The following RB1CC1 variants were observed in gnomAD, a reference collection of about 807,000 sequenced individuals.
RB1CC1 encodes the protein RB1 inducible coiled-coil 1, also known as RB1-inducible coiled-coil protein 1.
Under a neutral mutation model 177.5 loss-of-function variants are expected in RB1CC1, and 46 were observed. The ratio of observed to expected loss-of-function variants is 0.26; its 90% CI spans 0.20 to 0.33. The LOEUF (loss-of-function observed/expected upper bound fraction) is 0.33, where lower values mean the gene tolerates loss of function less well. Among genes scored for constraint, RB1CC1 ranks in the 10% least tolerant of loss-of-function variants. The pLI, the probability that RB1CC1 is intolerant of heterozygous loss-of-function variation, is 1.00. For missense variants in RB1CC1, 1,703 were observed against 1,816.3 expected, an observed-to-expected ratio of 0.94 and a Z score of 1.13; for synonymous variants, 666 against 613.6, an observed-to-expected ratio of 1.09 and a Z score of -1.26.
chr8:52,667,981 C>T (rs541547672), intron 8 of RB1CC1, 40 bp downstream of exon 8: 2 of 1,573,432 alleles, frequency 1.3e-6, no homozygotes, highest in Non-Finnish European at 1.7e-6. Flanking sequence ...TACAAAAAAA[C>T]TATAAATTCC....
At position 52,714,145 on chromosome 8, in the gene RB1CC1, G is replaced by A. The variant is rs1335397529; in HGVS notation, c.-237C>T. The A allele has an allele frequency of 3.4e-6, 1 of 293,710 alleles. No homozygotes were observed. Among genetic ancestry groups the A allele is most frequent in the South Asian group, 2.4e-5 (1 of 41,330 alleles). The allele number at this position is 293,710 out of a possible 1,614,324, so 18.2% of individuals were successfully genotyped here. On this transcript the variant is annotated 5_prime_UTR_variant, in exon 1 of 24. Transcript: ENST00000025008. ...ACCCCCGGCACCATCTTCCGCCGCC[G>A]CCTAGTCCTCGGCAGCGGTTACCAA... is the stretch of plus-strand genomic sequence containing the variant.
chr8:52,703,206 G>T (rs1856245266), intron 1 of RB1CC1, among the ~76,000 whole-genome samples: 2 of 151,776 alleles, frequency 1.3e-5, no homozygotes, highest in East Asian at 1.9e-4. Context: ...CAGTTACTAA[G>T]TATGTGTATC....
At chr8:52,632,963 C>T (rs952234411) in intron 20 of RB1CC1, among the ~76,000 whole-genome samples, 4 of 152,184 alleles carry the variant, frequency 2.6e-5, no homozygotes, top group African/African-American at 9.7e-5. Context: ...AATTCCTCTA[C>T]CATCCTCTGA....
Position 52,657,548 on chromosome 8 carries a change from C to G in RB1CC1, c.2281G>C (p.Val761Leu), listed in dbSNP as rs1179147298. The G allele has an allele frequency of 1.2e-6, 2 of 1,614,034 alleles. No homozygotes were observed. Among genetic ancestry groups the G allele is most frequent in the Admixed American group, 3.3e-5 (2 of 60,014 alleles). ...ISDPQSPEMM[V>L]ESLYSSVINA... ...ATAACTGATGAATAAAGTGATTCCA[C>G]CATCATTTCTGGGCTTTGTGGATCA... The change falls in exon 15 of 24, where the codon GTG becomes CTG. Residue 761 changes from valine (V) to leucine (L), a missense_variant. Around this residue, in one of 6 missense-constraint regions of RB1CC1, gnomAD observed 1,169 missense variants for 1,184.7 expected, o/e 0.99. Coordinates refer to ENST00000025008, the MANE Select transcript of RB1CC1 (RefSeq NM_014781.5).
At chr8:52,645,639 A>G (rs1331680460) in intron 16 of RB1CC1, 63 bp downstream of exon 16, 2 of 1,509,430 alleles carry the variant, frequency 1.3e-6, no homozygotes, top group Non-Finnish European at 1.8e-6. Context: ...TAAAGAAATT[A>G]TATTTGTTAA....
chr8:52,638,812 T>C (rs1397765004), intron 18 of RB1CC1, among the ~76,000 whole-genome samples: 1 of 152,136 alleles, frequency 6.6e-6, no homozygotes, highest in Non-Finnish European at 1.5e-5. Context: ...ACAATGCCTC[T>C]AATGTCCCAT....
At chr8:52,683,349 T>C (rs1853943462) in intron 5 of RB1CC1, among the ~76,000 whole-genome samples, 200 bp downstream of exon 5, 1 of 152,192 alleles carries the variant, frequency 6.6e-6, no homozygotes, top group Non-Finnish European at 1.5e-5. Context: ...TTTTCCACTC[T>C]AAAATACTGT....
chr8:52,698,980 C>T (rs988399733), intron 1 of RB1CC1, among the ~76,000 whole-genome samples: 2 of 151,894 alleles, frequency 1.3e-5, no homozygotes, highest in Non-Finnish European at 2.9e-5. Context: ...CATGAACCAG[C>T]GCACCCGGCC....
chr8:52,635,965 C>G (rs1191364419), intron 19 of RB1CC1, 50 bp downstream of exon 19: 8 of 1,589,728 alleles, frequency 5.0e-6, no homozygotes, highest in Non-Finnish European at 6.8e-6. Flanking sequence ...TTAACTGTAT[C>G]CAAAAGTGAA....
rs5891475 is a variant in RB1CC1, at chr8:52,623,204, C to CTT, written c.*576_*577dup. 9.4e-4 allele frequency: 140 copies of CTT among 148,690 alleles called. 3 individuals carry two copies. In the South Asian group the frequency reaches 0.017, roughly 18 times the overall value. 9.2% of individuals were successfully genotyped at this position (148,690 alleles called of 1,614,324 possible). Reference sequence around the variant, plus strand: ...AAATCAGTCAATCAAATTACAGTTCCTTTTTTTTTTTGAAACATCAAAGGG... The same window carrying CTT: ...AAATCAGTCAATCAAATTACAGTTCCTTTTTTTTTTTTTGAAACATCAAAGGG... On this transcript the variant is annotated 3_prime_UTR_variant, in exon 24 of 24. Transcript: ENST00000025008.
chr8:52,673,774 C>A, intron 7 of RB1CC1, 71 bp downstream of exon 7: 2 of 1,358,868 alleles, frequency 1.5e-6, no homozygotes, highest in Non-Finnish European at 2.0e-6. Flanking sequence ...TCTCTCAGTA[C>A]ATAAAATATT....
intron 16 of RB1CC1, among the ~76,000 whole-genome samples, chr8:52,643,696 C>G (rs1472486051): frequency 7.4e-5 from 6 of 81,070 alleles, no homozygotes; most frequent in Non-Finnish European, 7.0e-5. Context: ...CTCTAAGAGG[C>G]AAAAAAAAAA....
At chr8:52,664,593 G>A (rs1439133736) in intron 8 of RB1CC1, among the ~76,000 whole-genome samples, 1 of 152,114 alleles carries the variant, frequency 6.6e-6, no homozygotes, top group East Asian at 1.9e-4. Context: ...TGCTCTATGA[G>A]CACAAGACAA....
intron 5 of RB1CC1, among the ~76,000 whole-genome samples, chr8:52,680,996 T>TGTGTGTGTGTGTG (rs1389877008): frequency 2.9e-5 from 3 of 104,972 alleles, no homozygotes; most frequent in South Asian, 6.7e-4. Context: ...GTGTGTGTGT[T>TGTGTGTGTGTGTG]TTTTTTTTTT....
chr8:52,654,293 T>C lies in RB1CC1; in HGVS notation c.3821+1715A>G, dbSNP rs986838108. On this transcript the variant is annotated intron_variant, in intron 15 of 23. Coordinates refer to ENST00000025008, the MANE Select transcript of RB1CC1 (RefSeq NM_014781.5). The stretch of plus-strand genomic sequence containing the variant: ...CTTGCTCCTCTTTTATGATCTCATA[T>C]GCACTGCAATACAGAGATCCAACAT... 7.2e-5 allele frequency among the ~76,000 whole-genome samples: 11 copies of C among 152,360 alleles called. No individual in the cohort carries two copies. In the South Asian group the frequency reaches 1.9e-3, roughly 26 times the overall value.
chr8:52,661,539 G>A lies in RB1CC1; in HGVS notation c.1354C>T (p.Leu452=). The A allele has an allele frequency of 6.3e-7, 1 of 1,596,932 alleles. No individual in the cohort carries two copies. The highest frequency in any genetic ancestry group is 8.5e-7 in the Non-Finnish European group (1 of 1,172,506). The change falls in exon 9 of 24, where the codon CTG becomes TTG. Residue 452 remains leucine (L), a synonymous_variant. Coordinates refer to ENST00000025008, the MANE Select transcript of RB1CC1 (RefSeq NM_014781.5). Reference sequence around the variant, plus strand: ...AGATATAAATGAATCACTTACTTCAGTCTGACATGTAGGTTATTTGCTAGT... The same window carrying A: ...AGATATAAATGAATCACTTACTTCAATCTGACATGTAGGTTATTTGCTAGT... The part of the protein sequence containing the change: ...QELANNLHVR[L]KWCCFVMLHA...
intron 7 of RB1CC1, 133 bp from the exon 8 acceptor site, chr8:52,668,324 TAA>T: frequency 1.0e-6 from 1 of 971,902 alleles, no homozygotes; most frequent in African/African-American, 1.6e-5. Context: ...ATGGGAACTC[TAA>T]GTTATACTTT....
intron 15 of RB1CC1, among the ~76,000 whole-genome samples, chr8:52,654,552 G>A (rs1462571455): frequency 6.6e-6 from 1 of 152,146 alleles, no homozygotes; most frequent in East Asian, 1.9e-4. Context: ...AGTGAGCCAT[G>A]GAGAACCATC....
At chr8:52,623,958 AAAAT>A (rs1314856521) in intron 23 of RB1CC1, 99 bp from the exon 24 acceptor site, 16 of 785,220 alleles carry the variant, frequency 2.0e-5, no homozygotes, top group African/African-American at 8.7e-5. Flanking sequence ...AAGAAACAAA[AAAAT>A]AAATAAACCA....
Sources: allele counts gnomAD v4.1 joint callset (sites outside exome capture counted in the v4.1 genomes callset), GRCh38; gene constraint gnomAD v4.1.1; regional missense constraint gnomAD v4.1.1; transcripts MANE v1.5; gene names NCBI Gene and HGNC (gene_info 2026-07-23, HGNC 2026-07-21).